Variants in EXD2 observed in about 807,000 individuals in gnomAD.
EXD2 encodes the protein exonuclease 3'-5' domain containing 2, also known as exonuclease 3'-5' domain-containing protein 2.
A neutral mutation model predicts 62.5 loss-of-function variants in EXD2; 40 were observed. The observed-to-expected ratio is 0.64, with a 90% CI of 0.50 to 0.83. EXD2 has a LOEUF of 0.83. EXD2 is among the 40% of genes least tolerant of loss of function. The pLI, the probability that EXD2 is intolerant of heterozygous loss-of-function variation, is 0.00. For synonymous variants in EXD2, 239 were observed against 291.9 expected (o/e 0.82, Z 1.85); for missense variants, 671 against 761.8 (o/e 0.88, Z 1.40).
Position 69,241,230 on chromosome 14 carries a change from AATC to A in EXD2, c.*131_*133del. On this transcript the variant is annotated 3_prime_UTR_variant, in exon 10 of 10. Coordinates refer to ENST00000685843, the MANE Select transcript of EXD2 (RefSeq NM_001193360.2). ...ACAACTCAGAATACTAACCTAGACT[AATC>A]CCAGGATGCTTCTGCTGGAGCAAAG... The A allele has an allele frequency of 1.4e-6, 1 of 704,304 alleles. No homozygotes were observed. The allele number at this position is 704,304 out of a possible 1,614,324, so 43.6% of individuals were successfully genotyped here.
chr14:69,204,893 C>T (rs1184520931), intron 2 of EXD2, among the ~76,000 whole-genome samples: 2 of 152,186 alleles, frequency 1.3e-5, no homozygotes, highest in African/African-American at 4.8e-5. Context: ...ATCATCAGCT[C>T]CCTGCTAGTC....
chr14:69,236,810 T>C lies in EXD2; in HGVS notation c.1292+268T>C, dbSNP rs148361533. Among the ~76,000 whole-genome samples, 274 of 152,354 alleles carry C rather than the reference T, an allele frequency of 1.8e-3. 2 individuals are homozygous for C. The highest frequency in any genetic ancestry group is 6.0e-3 in the African/African-American group (249 of 41,582). On this transcript the variant is annotated intron_variant, in intron 8 of 9. Coordinates refer to ENST00000685843, the MANE Select transcript of EXD2 (RefSeq NM_001193360.2). Reference sequence around the variant, plus strand: ...GGGGACAGTGGTTCCCTTTTGCTCATGAAAGACTGAAGACCAGTTCCTTCA... The same window carrying C: ...GGGGACAGTGGTTCCCTTTTGCTCACGAAAGACTGAAGACCAGTTCCTTCA...
chr14:69,240,031 C>A (rs2043928873), intron 9 of EXD2, among the ~76,000 whole-genome samples: 1 of 152,150 alleles, frequency 6.6e-6, no homozygotes, highest in Non-Finnish European at 1.5e-5. Flanking sequence ...TGGAGACAGG[C>A]AAGTTAGTGG....
chr14:69,241,900 C>G lies in EXD2; in HGVS notation c.*800C>G, dbSNP rs1217768009. On this transcript the variant is annotated 3_prime_UTR_variant, in exon 10 of 10. Transcript: ENST00000685843. ...TTGTTGCACTCCTCCTGCCCCAGAA[C>G]TGCAAGATTTTTAGCTTCACCCCTT... 2.5e-6 allele frequency: 1 copy of G among 398,924 alleles called. No individual in the cohort carries two copies. The highest frequency in any genetic ancestry group is 3.6e-5 in the East Asian group (1 of 28,094). 24.7% of individuals were successfully genotyped at this position (398,924 alleles called of 1,614,324 possible). A position where few individuals can be genotyped will look rare whatever the true frequency, so the allele number is the denominator to read the frequency against.
At chr14:69,200,791 A>G (rs1386880542) in intron 1 of EXD2, among the ~76,000 whole-genome samples, 1 of 141,604 alleles carries the variant, frequency 7.1e-6, no homozygotes, top group East Asian at 2.2e-4. Flanking sequence ...AATCAGTATG[A>G]GGCCAGGCGT....
chr14:69,230,161 C>T (rs2043518985), intron 4 of EXD2, among the ~76,000 whole-genome samples: 1 of 152,160 alleles, frequency 6.6e-6, no homozygotes, highest in East Asian at 1.9e-4. Flanking sequence ...GTAGGAGTCT[C>T]AGTGCTGCCA....
At chr14:69,204,292 C>CA (rs1327982142) in intron 2 of EXD2, among the ~76,000 whole-genome samples, 2 of 152,210 alleles carry the variant, frequency 1.3e-5, no homozygotes, top group East Asian at 3.9e-4. Context: ...GATATTTAGC[C>CA]AGGCATAAGG....
Position 69,200,323 on chromosome 14 carries a change from G to A in EXD2, c.-131-3594G>A, listed in dbSNP as rs147866384. 2.8e-3 allele frequency among the ~76,000 whole-genome samples: 426 copies of A among 152,264 alleles called. 2 individuals carry two copies. Among genetic ancestry groups the A allele is most frequent in the African/African-American group, 9.6e-3 (400 of 41,546 alleles). On this transcript the variant is annotated intron_variant, in intron 1 of 9. Transcript: ENST00000685843. ...TTGAATTACAGTTTCTATTTGCAAG[G>A]ATGAAGTTGTTCTGGAAATGGGTGA...
rs1594782561 is a variant in EXD2 at position 69,236,313 on chromosome 14, G to C, written c.1157-94G>C. ...AACCCAGAAATCATGTTCTCTGCCA[G>C]GCCATAGCAGAGAACAGTGAAGGTA... On this transcript the variant is annotated intron_variant, in intron 7 of 9. Coordinates refer to ENST00000685843, the MANE Select transcript of EXD2 (RefSeq NM_001193360.2). The C allele has an allele frequency of 5.0e-5, 79 of 1,587,774 alleles. 1 individual carries two copies. In the South Asian group the frequency reaches 8.7e-4, roughly 17 times the overall value.
At chr14:69,231,490 A>G (rs1245095183) in intron 5 of EXD2, among the ~76,000 whole-genome samples, 2 of 152,156 alleles carry the variant, frequency 1.3e-5, no homozygotes, top group Non-Finnish European at 1.5e-5. Flanking sequence ...CAGTATTTAT[A>G]TTATTTATAG....
chr14:69,220,030 T>A (rs72720266), intron 3 of EXD2, among the ~76,000 whole-genome samples: 3,315 of 152,126 alleles, frequency 0.022, 57 homozygotes, highest in Non-Finnish European at 0.031. Flanking sequence ...GTTTTTTTTT[T>A]AAATCATGAA....
chr14:69,207,952 G>T (rs2042664191), intron 2 of EXD2, among the ~76,000 whole-genome samples: 1 of 150,810 alleles, frequency 6.6e-6, no homozygotes, highest in Non-Finnish European at 1.5e-5. Flanking sequence ...AGGCTGGAGT[G>T]CAGTGGCTCA....
intron 8 of EXD2, among the ~76,000 whole-genome samples, chr14:69,236,968 T>C (rs1427597681): frequency 6.6e-6 from 1 of 152,218 alleles, no homozygotes; most frequent in Non-Finnish European, 1.5e-5. Flanking sequence ...GCCCCTGCAC[T>C]GTGAGGGTGA....
chr14:69,235,153 A>G (rs1241219488), intron 6 of EXD2, 122 bp downstream of exon 6: 16 of 787,160 alleles, frequency 2.0e-5, no homozygotes, highest in Admixed American at 3.4e-5. Context: ...TCCCGGGGTT[A>G]ATCTTGCTTT....
Position 69,209,779 on chromosome 14 carries a change from A to C in EXD2, c.309A>C (p.Pro103=). The change falls in exon 3 of 10, where the codon CCA becomes CCC. Residue 103 remains proline, a synonymous_variant. Transcript: ENST00000685843. Reference sequence around the variant, plus strand: ...TTAGAAGTGAATTAGAAGATTTTCCAGTACTTGGAATTGACTGTGAGTGGG... The same window carrying C: ...TTAGAAGTGAATTAGAAGATTTTCCCGTACTTGGAATTGACTGTGAGTGGG... ...PLLRSELEDF[P]VLGIDCEWVN... is the part of the protein sequence containing the mutation. 6.6e-7 allele frequency: 1 copy of C among 1,508,042 alleles called. No homozygotes were observed. The highest frequency in any genetic ancestry group is 8.9e-7 in the Non-Finnish European group (1 of 1,125,658). The allele number at this position is 1,508,042 out of a possible 1,614,324, so 93.4% of individuals were successfully genotyped here. A position where few individuals can be genotyped will look rare whatever the true frequency, so the allele number is the denominator to read the frequency against.
intron 1 of EXD2, among the ~76,000 whole-genome samples, chr14:69,202,874 A>AAG (rs1566817245): frequency 1.3e-5 from 2 of 152,242 alleles, no homozygotes; most frequent in African/African-American, 4.8e-5. Context: ...TAAATTACAA[A>AAG]TATATAAAAT....
intron 3 of EXD2, among the ~76,000 whole-genome samples, chr14:69,220,302 G>A (rs558163230): frequency 2.8e-4 from 27 of 95,974 alleles, no homozygotes; most frequent in South Asian, 2.2e-3. Flanking sequence ...ACAGAGTCTC[G>A]CTCTGTCACC....
intron 3 of EXD2, among the ~76,000 whole-genome samples, chr14:69,220,500 C>T (rs1181512813): frequency 4.1e-5 from 6 of 146,810 alleles, no homozygotes; most frequent in South Asian, 4.3e-4. Context: ...CCTCGTGATC[C>T]GCCCACCTCA....
intron 8 of EXD2, among the ~76,000 whole-genome samples, chr14:69,237,191 T>C (rs2043824054): frequency 6.6e-6 from 1 of 152,230 alleles, no homozygotes; most frequent in South Asian, 2.1e-4. Flanking sequence ...GGAAATTGGC[T>C]TTTTCAGGTT....
Sources: allele counts gnomAD v4.1 joint callset (sites outside exome capture counted in the v4.1 genomes callset), GRCh38; gene constraint gnomAD v4.1.1; transcripts MANE v1.5; gene names NCBI Gene and HGNC (gene_info 2026-07-23, HGNC 2026-07-21).